Variants in SPATA16 observed in about 807,000 individuals in gnomAD.
The protein encoded by SPATA16 is spermatogenesis associated 16.
Under a neutral mutation model 63.3 loss-of-function variants are expected in SPATA16, and 36 were observed. The ratio of observed to expected loss-of-function variants is 0.57; its 90% confidence interval spans 0.44 to 0.75. The LOEUF (loss-of-function observed/expected upper bound fraction) is 0.75. SPATA16 is among the 30% of genes least tolerant of loss of function. SPATA16 has a pLI of 0.00. For missense variants in SPATA16, 646 were observed against 679.3 expected (o/e 0.95, Z 0.54); for synonymous variants, 203 against 216.7 (o/e 0.94, Z 0.56).
chr3:173,056,873 CT>C (rs1323334619), intron 2 of SPATA16, among the ~76,000 whole-genome samples: 2 of 151,626 alleles, frequency 1.3e-5, no homozygotes, highest in Non-Finnish European at 2.9e-5. Context: ...TTTAAAATAA[CT>C]TCTTATGTTG....
intron 6 of SPATA16, among the ~76,000 whole-genome samples, chr3:172,930,553 CTTTTTTTTTTT>C (rs34780432): frequency 2.3e-5 from 2 of 87,368 alleles, no homozygotes; most frequent in African/African-American, 4.5e-5. Context: ...CATTCAAACT[CTTTTTTTTTTT>C]TTTTTTTTTT....
chr3:172,972,470 C>T (rs1473323301), intron 5 of SPATA16, among the ~76,000 whole-genome samples: 1 of 152,086 alleles, frequency 6.6e-6, no homozygotes, highest in Non-Finnish European at 1.5e-5. Flanking sequence ...TGTTGACAAT[C>T]CAGAGAAGAG....
intron 4 of SPATA16, among the ~76,000 whole-genome samples, chr3:172,986,528 A>G (rs1734463040): frequency 6.6e-6 from 1 of 152,172 alleles, no homozygotes; most frequent in Non-Finnish European, 1.5e-5. Flanking sequence ...GCTTAAAATG[A>G]TGAGTAGGAG....
intron 2 of SPATA16, among the ~76,000 whole-genome samples, chr3:173,080,608 T>C (rs1736901795): frequency 6.6e-6 from 1 of 152,136 alleles, no homozygotes; most frequent in Non-Finnish European, 1.5e-5. Flanking sequence ...ATCTCAGAGA[T>C]CACTTTCATT....
At chr3:173,059,024 T>C (rs192922272) in intron 2 of SPATA16, among the ~76,000 whole-genome samples, 9 of 152,218 alleles carry the variant, frequency 5.9e-5, no homozygotes, top group Admixed American at 3.9e-4. Context: ...ATAGGTTTTA[T>C]TCATATTTTA....
intron 3 of SPATA16, among the ~76,000 whole-genome samples, chr3:173,035,276 A>G (rs1735691511): frequency 6.6e-6 from 1 of 152,140 alleles, no homozygotes; most frequent in Non-Finnish European, 1.5e-5. Flanking sequence ...GAAAAATAAA[A>G]GGTTTAGGAA....
At chr3:172,934,806 A>T (rs1196663810) in intron 6 of SPATA16, among the ~76,000 whole-genome samples, 6 of 152,164 alleles carry the variant, frequency 3.9e-5, no homozygotes, top group Non-Finnish European at 8.8e-5. Flanking sequence ...TATATATGGA[A>T]ATCTAAAAGA....
chr3:173,036,709 C>T (rs192433695), intron 3 of SPATA16, among the ~76,000 whole-genome samples: 1 of 151,916 alleles, frequency 6.6e-6, no homozygotes, highest in Admixed American at 6.6e-5. Context: ...TAGCTGCATA[C>T]CTTGTGTGAC....
chr3:172,892,566 A>C (rs1731913278), intron 10 of SPATA16, among the ~76,000 whole-genome samples: 1 of 152,220 alleles, frequency 6.6e-6, no homozygotes, highest in Non-Finnish European at 1.5e-5. Context: ...ATACTTACTG[A>C]CGTGTAGGAG....
intron 10 of SPATA16, among the ~76,000 whole-genome samples, chr3:172,902,144 T>C (rs1362453854): frequency 1.3e-5 from 2 of 152,202 alleles, no homozygotes; most frequent in East Asian, 3.8e-4. Context: ...TTCAAGTGAT[T>C]CTCCTGCCTC....
intron 2 of SPATA16, among the ~76,000 whole-genome samples, chr3:173,113,946 G>A (rs112221927): frequency 0.052 from 7,892 of 152,132 alleles, 701 homozygotes; most frequent in African/African-American, 0.18. Flanking sequence ...TTGGGAGGCC[G>A]AGGTGGGTGG....
chr3:173,139,244 T>A (rs1738634376), intron 1 of SPATA16, among the ~76,000 whole-genome samples: 1 of 152,232 alleles, frequency 6.6e-6, no homozygotes, highest in Non-Finnish European at 1.5e-5. Context: ...AATTAGACAA[T>A]TAGAAAAATG....
At chr3:173,117,783 C>T (rs765708799) in intron 1 of SPATA16, 34 bp from the exon 2 acceptor site, 1 of 1,613,400 alleles carries the variant, frequency 6.2e-7, no homozygotes, top group Admixed American at 1.7e-5. Context: ...GTAATTAAGG[C>T]AATATTTTGA....
At chr3:173,082,143 A>G (rs541881028) in intron 2 of SPATA16, among the ~76,000 whole-genome samples, 2 of 152,250 alleles carry the variant, frequency 1.3e-5, no homozygotes, top group South Asian at 2.1e-4. Flanking sequence ...AGCACCTTGT[A>G]CCAGGCGTAC....
At chr3:172,944,590 G>C (rs1733236790) in intron 6 of SPATA16, among the ~76,000 whole-genome samples, 1 of 152,196 alleles carries the variant, frequency 6.6e-6, no homozygotes, top group Non-Finnish European at 1.5e-5. Flanking sequence ...GAAGCACCGA[G>C]TTTTTCTCAG....
intron 3 of SPATA16, among the ~76,000 whole-genome samples, chr3:173,028,531 A>G (rs1330041408): frequency 2.0e-5 from 3 of 151,994 alleles, no homozygotes; most frequent in African/African-American, 7.2e-5. Context: ...TTTTACTGCA[A>G]CAGGAACTTA....
chr3:173,110,758 C>T (rs917571487), intron 2 of SPATA16, among the ~76,000 whole-genome samples: 3 of 152,166 alleles, frequency 2.0e-5, no homozygotes, highest in African/African-American at 7.2e-5. Flanking sequence ...AATTCAGTGC[C>T]CTGTCCATCA....
rs185635931 is a variant in SPATA16 at position 172,899,322 on chromosome 3, A to C, written c.1588-9630T>G. On this transcript the variant is annotated intron_variant, in intron 10 of 10. Coordinates refer to ENST00000351008, the MANE Select transcript of SPATA16 (RefSeq NM_031955.6). ...ATTTTGCAGACCCTCTTGTTTGTGC[A>C]TACACTTAGAATCGCTTTGTCTTTT... 3.2e-3 allele frequency among the ~76,000 whole-genome samples: 486 copies of C among 152,108 alleles called. 4 individuals carry two copies. The highest frequency in any genetic ancestry group is 0.011 in the African/African-American group (454 of 41,554).
chr3:172,959,620 T>C (rs912841452), intron 5 of SPATA16, among the ~76,000 whole-genome samples: 1 of 152,056 alleles, frequency 6.6e-6, no homozygotes, highest in Admixed American at 6.6e-5. Context: ...CAGGAAGAAA[T>C]AGTACAACAT....
Sources: allele counts gnomAD v4.1 joint callset (sites outside exome capture counted in the v4.1 genomes callset), GRCh38; gene constraint gnomAD v4.1.1; transcripts MANE v1.5; gene names NCBI Gene and HGNC (gene_info 2026-07-23, HGNC 2026-07-21).